RAB3C: variants seen among roughly 807,000 people sequenced by gnomAD.
The protein encoded by RAB3C is ras-related protein Rab-3C.
Under a neutral mutation model 26.4 loss-of-function variants are expected in RAB3C, and 17 were observed. The ratio of observed to expected loss-of-function variants is 0.64; its 90% CI spans 0.44 to 0.97. RAB3C has a LOEUF of 0.97. RAB3C is among the 50% of genes least tolerant of loss of function. The pLI is 0.00. For missense variants in RAB3C, 242 were observed against 281.9 expected (o/e 0.86, Z 1.01); for synonymous variants, 91 against 95.9 (o/e 0.95, Z 0.30).
At chr5:58,631,593 G>T (rs1433784347) in intron 2 of RAB3C, among the ~76,000 whole-genome samples, 1 of 152,182 alleles carries the variant, frequency 6.6e-6, no homozygotes, top group South Asian at 2.1e-4. Context: ...TGTGAAGGCT[G>T]ACTCAGACTC....
intron 2 of RAB3C, among the ~76,000 whole-genome samples, chr5:58,618,305 A>C (rs1381846937): frequency 6.6e-6 from 1 of 152,144 alleles, no homozygotes; most frequent in Non-Finnish European, 1.5e-5. Flanking sequence ...TCAAAGAAGA[A>C]GATAAACAAC....
At chr5:58,584,839 G>A (rs561274924) in intron 1 of RAB3C, among the ~76,000 whole-genome samples, 6 of 2,354 alleles carry the variant, frequency 2.5e-3, no homozygotes, top group Non-Finnish European at 4.6e-3. Flanking sequence ...TATCAATTTT[G>A]CTTTCTTACA....
chr5:58,791,067 T>TAA (rs3060348), intron 3 of RAB3C, among the ~76,000 whole-genome samples: 81,125 of 148,820 alleles, frequency 0.55, 22,577 homozygotes, highest in South Asian at 0.64. Context: ...TTTTTGACAT[T>TAA]AAAAAAAAAA....
intron 3 of RAB3C, among the ~76,000 whole-genome samples, chr5:58,782,898 C>T (rs529917553): frequency 2.6e-5 from 4 of 152,064 alleles, no homozygotes; most frequent in South Asian, 2.1e-4. Flanking sequence ...GAAGGCTTTT[C>T]ATTTTCACAG....
intron 1 of RAB3C, among the ~76,000 whole-genome samples, chr5:58,584,826 G>T (rs1303326218): frequency 1.1e-5 from 1 of 93,100 alleles, no homozygotes; most frequent in Non-Finnish European, 2.1e-5. Context: ...TAACCACACT[G>T]TATATCAATT....
chr5:58,584,976 G>A (rs1421911153), intron 1 of RAB3C, among the ~76,000 whole-genome samples: 2 of 151,892 alleles, frequency 1.3e-5, no homozygotes, highest in Non-Finnish European at 2.9e-5. Context: ...TTCTATTTTA[G>A]TCAAAACTTT....
intron 1 of RAB3C, among the ~76,000 whole-genome samples, chr5:58,601,511 T>G (rs1294602666): frequency 6.6e-6 from 1 of 152,198 alleles, no homozygotes; most frequent in African/African-American, 2.4e-5. Flanking sequence ...AATTACCATT[T>G]CAATCTCACT....
chr5:58,819,833 A>T (rs1374653037), intron 3 of RAB3C, among the ~76,000 whole-genome samples: 1 of 152,086 alleles, frequency 6.6e-6, no homozygotes, highest in Non-Finnish European at 1.5e-5. Context: ...GAGCCACTGT[A>T]CTCCAACCTG....
At chr5:58,776,054 C>T (rs1742133776) in intron 3 of RAB3C, among the ~76,000 whole-genome samples, 1 of 152,100 alleles carries the variant, frequency 6.6e-6, no homozygotes, top group South Asian at 2.1e-4. Context: ...TCTGCTCACT[C>T]CACCTCTCAC....
intron 4 of RAB3C, among the ~76,000 whole-genome samples, chr5:58,838,999 T>A (rs1236723777): frequency 1.3e-5 from 2 of 152,118 alleles, no homozygotes; most frequent in East Asian, 1.9e-4. Context: ...CATTTTTTTT[T>A]AACTGCTGCA....
At chr5:58,662,970 G>C (rs1186001500) in intron 2 of RAB3C, among the ~76,000 whole-genome samples, 2 of 150,376 alleles carry the variant, frequency 1.3e-5, no homozygotes, top group African/African-American at 5.0e-5. Context: ...TGTCAATGTT[G>C]TATCTTCTTC....
intron 3 of RAB3C, among the ~76,000 whole-genome samples, chr5:58,745,637 G>A (rs1579895105): frequency 6.6e-6 from 1 of 152,038 alleles, no homozygotes. Flanking sequence ...CCTGGCGGAG[G>A]CCAGCCACGA....
Position 58,685,089 on chromosome 5 carries a change from C to T in RAB3C, c.253-40913C>T, listed in dbSNP as rs546270059. Among the ~76,000 whole-genome samples, 6 of 152,164 alleles carry T rather than the reference C, an allele frequency of 3.9e-5. No homozygotes were observed. The South Asian group carries it at 1.0e-3, about 26-fold the overall frequency. ...GAAAATGTGATAGAATCTTTATTGA[C>T]CCTAACTTTCATGAGACACATACAG... On this transcript the variant is annotated intron_variant, in intron 2 of 4. Transcript: ENST00000282878.
At chr5:58,751,044 G>T (rs1741512308) in intron 3 of RAB3C, among the ~76,000 whole-genome samples, 1 of 152,060 alleles carries the variant, frequency 6.6e-6, no homozygotes, top group Admixed American at 6.6e-5. Context: ...AGTGGAGACG[G>T]AGTTTCACCA....
intron 2 of RAB3C, among the ~76,000 whole-genome samples, chr5:58,651,413 A>G (rs1266120367): frequency 2.0e-5 from 3 of 152,224 alleles, no homozygotes; most frequent in Non-Finnish European, 4.4e-5. Context: ...TGGTAATGGT[A>G]GAGGTGATAT....
chr5:58,737,799 A>T (rs1444357934), intron 3 of RAB3C, among the ~76,000 whole-genome samples: 1 of 152,164 alleles, frequency 6.6e-6, no homozygotes, highest in Non-Finnish European at 1.5e-5. Context: ...AATTCAAATC[A>T]CATATGGAGG....
At chr5:58,588,386 G>A (rs1233263108) in intron 1 of RAB3C, among the ~76,000 whole-genome samples, 1 of 152,090 alleles carries the variant, frequency 6.6e-6, no homozygotes, top group African/African-American at 2.4e-5. Context: ...GGTCTTTTTA[G>A]TTTTGGCCAC....
intron 1 of RAB3C, among the ~76,000 whole-genome samples, chr5:58,599,962 C>T (rs1746414493): frequency 6.6e-6 from 1 of 152,114 alleles, no homozygotes; most frequent in Non-Finnish European, 1.5e-5. Context: ...ATGTTATCTT[C>T]TACATTTTTA....
intron 4 of RAB3C, among the ~76,000 whole-genome samples, chr5:58,844,604 C>T (rs1388401090): frequency 6.6e-6 from 1 of 152,318 alleles, no homozygotes; most frequent in Non-Finnish European, 1.5e-5. Flanking sequence ...GCAGAATGAC[C>T]TTTCCTTGCA....
Sources: allele counts gnomAD v4.1 joint callset (sites outside exome capture counted in the v4.1 genomes callset), GRCh38; gene constraint gnomAD v4.1.1; transcripts MANE v1.5; gene names NCBI Gene and HGNC (gene_info 2026-07-23, HGNC 2026-07-21).